Variants in IHO1 observed in about 807,000 individuals in gnomAD.
The protein encoded by IHO1 is interactor of HORMAD1 protein 1.
In IHO1, 13 loss-of-function variants were observed where a neutral mutation model predicts 31.0. The observed-to-expected ratio is 0.42, with a 90% confidence interval of 0.27 to 0.67. The LOEUF (loss-of-function observed/expected upper bound fraction) is 0.67, where lower values mean the gene tolerates loss of function less well. Ranked by LOEUF, IHO1 falls within the 30% of genes least tolerant of loss-of-function variation. The probability of loss-of-function intolerance (pLI) is 0.24; values close to 1 mark genes in which losing one functional copy is unlikely to be tolerated. For synonymous variants in IHO1, 221 were observed against 248.4 expected (o/e 0.89, Z 1.04); for missense variants, 599 against 687.5 (o/e 0.87, Z 1.44).
chr3:49,239,163 G>A (rs2046595946), intron 3 of IHO1, among the ~76,000 whole-genome samples: 2 of 150,704 alleles, frequency 1.3e-5, no homozygotes, highest in Admixed American at 1.3e-4. Flanking sequence ...GTAGAGACAG[G>A]GTTTCACTGT....
upstream of IHO1, chr3:49,199,366 G>A (rs1453020932): frequency 6.6e-6 from 1 of 152,364 alleles, no homozygotes; most frequent in Non-Finnish European, 1.5e-5. Context: ...GACCCTGGGG[G>A]CGGGGCCGCG....
At position 49,235,175 on chromosome 3, in the gene IHO1, G is replaced by A. The variant is rs146920655; in HGVS notation, c.57-1373G>A. Among the ~76,000 whole-genome samples, 3 of 149,226 alleles carry A rather than the reference G, an allele frequency of 2.0e-5. No individual in the cohort carries two copies. The East Asian group carries it at 6.0e-4, about 30-fold the overall frequency. On this transcript the variant is annotated intron_variant, in intron 2 of 7. Coordinates refer to ENST00000452691, the MANE Select transcript of IHO1 (RefSeq NM_001135197.2). ...GTTCATCCAATTTTTACCTTTTCTT[G>A]TACTCAAAACTATGTTTTTGAGAAG...
At chr3:49,216,890 C>T (rs1010955142) in intron 2 of IHO1, among the ~76,000 whole-genome samples, 2 of 152,190 alleles carry the variant, frequency 1.3e-5, no homozygotes, top group African/African-American at 4.8e-5. Context: ...TGCAGAAATG[C>T]TCATCATCAC....
chr3:49,215,438 G>C (rs2046276668), intron 2 of IHO1, among the ~76,000 whole-genome samples: 1 of 152,202 alleles, frequency 6.6e-6, no homozygotes, highest in Middle Eastern at 3.4e-3. Flanking sequence ...TATTCTCTTT[G>C]GCCCAAGAGG....
intron 1 of IHO1, among the ~76,000 whole-genome samples, chr3:49,202,495 T>TTGTGTGTGTGTG (rs113425200): frequency 3.5e-4 from 45 of 130,000 alleles, no homozygotes; most frequent in Admixed American, 5.5e-4. Flanking sequence ...CCGGCTAATT[T>TTGTGTGTGTGTG]TGTGTGTGTG....
chr3:49,224,458 C>G (rs967617087), intron 2 of IHO1, among the ~76,000 whole-genome samples: 1 of 151,950 alleles, frequency 6.6e-6, no homozygotes. Flanking sequence ...GGGTTCTTCC[C>G]AGAGGTTAGG....
rs75213935 is a variant in IHO1, at chr3:49,239,819, G to A, written c.232-1407G>A. On this transcript the variant is annotated intron_variant, in intron 3 of 7. Coordinates refer to ENST00000452691, the MANE Select transcript of IHO1 (RefSeq NM_001135197.2). ...CTGGGATTACAGGCATGCGCACCAC[G>A]CCTGGCTAATTTTGTATTTTTAGTA... Among the ~76,000 whole-genome samples the A allele has an allele frequency of 5.9e-3, 896 of 151,264 alleles. 9 individuals are homozygous for A. Among genetic ancestry groups the A allele is most frequent in the African/African-American group, 0.021 (851 of 41,236 alleles).
the IHO1 span, chr3:49,191,779 AGAAG>A: frequency 6.4e-7 from 1 of 1,553,788 alleles, no homozygotes; most frequent in Non-Finnish European, 8.6e-7. Context: ...CATCTTTCCA[AGAAG>A]GGAGCAGAAA....
chr3:49,196,080 A>G (rs1431871672), upstream of IHO1, among the ~76,000 whole-genome samples: 1 of 151,662 alleles, frequency 6.6e-6, no homozygotes, highest in Non-Finnish European at 1.5e-5. Flanking sequence ...CTAAAAACAC[A>G]AAAAGAAATT....
chr3:49,237,887 CTTTTTTTTTTTTTTT>C (rs574951773), intron 3 of IHO1, among the ~76,000 whole-genome samples: 9 of 51,442 alleles, frequency 1.7e-4, no homozygotes, highest in African/African-American at 4.1e-4. Flanking sequence ...CTGTCTTTTC[CTTTTTTTTTTTTTTT>C]TTTTTTTTTT....
chr3:49,206,466 G>A (rs978016565), intron 1 of IHO1, among the ~76,000 whole-genome samples: 7 of 141,188 alleles, frequency 5.0e-5, no homozygotes, highest in South Asian at 2.3e-4. Flanking sequence ...CTGACCTCAA[G>A]TGATCCACCC....
chr3:49,251,526 G>T (rs1473603300), intron 6 of IHO1, among the ~76,000 whole-genome samples: 1 of 151,638 alleles, frequency 6.6e-6, no homozygotes, highest in Admixed American at 6.6e-5. Context: ...CTTGTGATCC[G>T]CCAGCTTTGG....
chr3:49,217,421 G>T (rs1178260803), intron 2 of IHO1, among the ~76,000 whole-genome samples: 1 of 150,464 alleles, frequency 6.6e-6, no homozygotes, highest in Non-Finnish European at 1.5e-5. Context: ...TCTCACTCAA[G>T]TGGGAGTTGA....
chr3:49,241,116 G>A lies in IHO1; in HGVS notation c.232-110G>A, dbSNP rs138902237. On this transcript the variant is annotated intron_variant, in intron 3 of 7. Transcript: ENST00000452691. ...ATGGAAATACTACTTGCTATGTTAC[G>A]TTACAGCAATATGGTTTGCACTTAA... The A allele has an allele frequency of 3.0e-4, 209 of 686,016 alleles. 2 individuals are homozygous for A. The East Asian group carries it at 4.5e-3, about 15-fold the overall frequency. 42.5% of individuals were successfully genotyped at this position (686,016 alleles called of 1,614,324 possible). A position where few individuals can be genotyped will look rare whatever the true frequency, so the allele number is the denominator to read the frequency against.
intron 3 of IHO1, among the ~76,000 whole-genome samples, chr3:49,239,299 T>G (rs1472773535): frequency 6.6e-6 from 1 of 151,478 alleles, no homozygotes; most frequent in Non-Finnish European, 1.5e-5. Flanking sequence ...TTCTTTTTTT[T>G]TTTGAGAGGG....
chr3:49,192,932 A>C, the IHO1 span, among the ~76,000 whole-genome samples: 1 of 152,006 alleles, frequency 6.6e-6, no homozygotes, highest in Non-Finnish European at 1.5e-5. Flanking sequence ...ATGAATATTC[A>C]CTGTAGCATC....
At chr3:49,206,347 C>T (rs568124970) in intron 1 of IHO1, among the ~76,000 whole-genome samples, 40 of 152,206 alleles carry the variant, frequency 2.6e-4, no homozygotes, top group Admixed American at 1.5e-3. Context: ...CCGCCCACCT[C>T]GGCCTCCCAA....
chr3:49,196,256 G>C (rs2045995517), upstream of IHO1, among the ~76,000 whole-genome samples: 2 of 149,804 alleles, frequency 1.3e-5, no homozygotes, highest in African/African-American at 2.4e-5. Flanking sequence ...ATCACCTGGG[G>C]AGGGGAGCAA....
intron 2 of IHO1, among the ~76,000 whole-genome samples, chr3:49,229,923 C>G (rs1335678016): frequency 6.6e-6 from 1 of 152,146 alleles, no homozygotes; most frequent in Non-Finnish European, 1.5e-5. Context: ...TTACAGCCCT[C>G]AAAGTCAACA....
Sources: gnomAD v4.1 joint callset for allele counts (sites outside exome capture counted in the v4.1 genomes callset) on GRCh38, gnomAD v4.1.1 for gene constraint, MANE v1.5 for transcripts, NCBI Gene and HGNC (gene_info 2026-07-23, HGNC 2026-07-21) for gene names.